Variants in FBLN5 observed in about 807,000 individuals in gnomAD.
FBLN5 encodes fibulin-5.
In FBLN5, 24 loss-of-function variants were observed where a neutral mutation model predicts 61.6. The ratio of observed to expected loss-of-function variants is 0.39; its 90% CI spans 0.28 to 0.55. FBLN5 has a LOEUF of 0.55. FBLN5 is among the 20% of genes least tolerant of loss of function. The pLI is 0.65. For missense variants in FBLN5, 470 were observed against 594.1 expected (o/e 0.79, Z 2.17); for synonymous variants, 213 against 219.8 (o/e 0.97, Z 0.27).
At chr14:91,881,786 A>AT (rs1889486818) in intron 8 of FBLN5, among the ~76,000 whole-genome samples, 1 of 151,362 alleles carries the variant, frequency 6.6e-6, no homozygotes, top group African/African-American at 2.4e-5. Flanking sequence ...TTATATATAT[A>AT]ATTTTTTTTA....
At chr14:91,923,801 C>A (rs1290710841) in intron 4 of FBLN5, among the ~76,000 whole-genome samples, 1 of 152,126 alleles carries the variant, frequency 6.6e-6, no homozygotes, top group African/African-American at 2.4e-5. Flanking sequence ...ATCCTTAGAC[C>A]CTCCTAGCCC....
chr14:91,936,097 C>A (rs1032620666), intron 4 of FBLN5, among the ~76,000 whole-genome samples: 3 of 152,188 alleles, frequency 2.0e-5, no homozygotes, highest in Non-Finnish European at 4.4e-5. Flanking sequence ...CAGCTCAACA[C>A]TCCAGAGCCC....
Position 91,935,259 on chromosome 14 carries a change from T to C in FBLN5, c.379+1688A>G, listed in dbSNP as rs115253266. Among the ~76,000 whole-genome samples the C allele has an allele frequency of 5.8e-3, 882 of 152,112 alleles. 8 individuals are homozygous for C. The highest frequency in any genetic ancestry group is 0.02 in the African/African-American group (837 of 41,484). ...AGGGCACTGGGACCCTGGAAAGAGG[T>C]TTAGGGGAAGGAGGGAGACACTTTG... On this transcript the variant is annotated intron_variant, in intron 4 of 10. Transcript: ENST00000342058.
At chr14:91,941,785 G>A (rs966858545) in intron 2 of FBLN5, among the ~76,000 whole-genome samples, 5 of 151,870 alleles carry the variant, frequency 3.3e-5, no homozygotes, top group African/African-American at 1.2e-4. Flanking sequence ...TAAAATGGGG[G>A]GGTATGTACG....
In FBLN5 at chr14:91,891,609, C is replaced by T. The variant is rs75491901; in HGVS notation, c.503-272G>A. ...AAAGTTGCAGAAGAAATTTCTGCTT[C>T]GATTGGGATGTTGGGCAAAATGAGC... On this transcript the variant is annotated intron_variant, in intron 5 of 10. Coordinates refer to ENST00000342058, the MANE Select transcript of FBLN5 (RefSeq NM_006329.4). 4.2e-4 allele frequency among the ~76,000 whole-genome samples: 64 copies of T among 152,250 alleles called. 1 individual carries two copies. The East Asian group carries it at 9.1e-3, about 22-fold the overall frequency.
intron 10 of FBLN5, 26 bp downstream of exon 10, chr14:91,877,461 C>A (rs753049685): frequency 1.3e-6 from 2 of 1,577,680 alleles, no homozygotes; most frequent in Non-Finnish European, 1.7e-6. Context: ...TTACAGATGG[C>A]GTCCCCACTC....
At chr14:91,905,455 G>C (rs1199424688) in intron 4 of FBLN5, among the ~76,000 whole-genome samples, 1 of 152,146 alleles carries the variant, frequency 6.6e-6, no homozygotes, top group African/African-American at 2.4e-5. Context: ...CCTAGGGGAA[G>C]GGGCCCCTCA....
At chr14:91,930,569 T>C (rs1185412885) in intron 4 of FBLN5, among the ~76,000 whole-genome samples, 1 of 152,212 alleles carries the variant, frequency 6.6e-6, no homozygotes, top group African/African-American at 2.4e-5. Context: ...ATTTTCCTTC[T>C]GGTCTCAGCC....
chr14:91,896,926 C>T (rs1461108639), intron 4 of FBLN5, among the ~76,000 whole-genome samples: 2 of 152,228 alleles, frequency 1.3e-5, no homozygotes, highest in African/African-American at 4.8e-5. Flanking sequence ...CCTTGTGTAG[C>T]ATAGGGCTTT....
chr14:91,947,294 G>A lies in FBLN5; in HGVS notation c.-65C>T. 8 of 1,606,930 alleles carry A rather than the reference G, an allele frequency of 5.0e-6. No homozygotes were observed. Among genetic ancestry groups the A allele is most frequent in the South Asian group, 1.1e-5 (1 of 90,868 alleles). ...AAGCTCGCGGGCGGGACCCCCGGAGGAGCTCGGGCACGTCGGCCTCCTCTG... is the reference window on the plus strand; with the variant it reads ...AAGCTCGCGGGCGGGACCCCCGGAGAAGCTCGGGCACGTCGGCCTCCTCTG... On this transcript the variant is annotated 5_prime_UTR_variant, in exon 1 of 11. Coordinates refer to ENST00000342058, the MANE Select transcript of FBLN5 (RefSeq NM_006329.4). This position sits in a 1 kb window ranked among gnomAD's most constrained non-coding sequence, Gnocchi z 4.3.
At chr14:91,916,634 A>G (rs1387454330) in intron 4 of FBLN5, among the ~76,000 whole-genome samples, 1 of 152,126 alleles carries the variant, frequency 6.6e-6, no homozygotes, top group Non-Finnish European at 1.5e-5. Flanking sequence ...CTAGGCCCCT[A>G]CTTTTGTTAC....
intron 8 of FBLN5, among the ~76,000 whole-genome samples, chr14:91,881,627 A>G (rs991466336): frequency 3.8e-5 from 3 of 79,122 alleles, no homozygotes; most frequent in African/African-American, 9.3e-5. Context: ...TTGATGACTT[A>G]GTACCAAGAA....
intron 4 of FBLN5, among the ~76,000 whole-genome samples, chr14:91,909,607 T>C (rs1033045061): frequency 6.6e-6 from 1 of 152,158 alleles, no homozygotes; most frequent in South Asian, 2.1e-4. Context: ...GGTGGCTTTC[T>C]AAGAAGACAA....
chr14:91,898,386 T>C (rs898509570), intron 4 of FBLN5, among the ~76,000 whole-genome samples: 1 of 152,016 alleles, frequency 6.6e-6, no homozygotes, highest in Non-Finnish European at 1.5e-5. Flanking sequence ...CATTTGGGTG[T>C]GTGTACTTTA....
intron 4 of FBLN5, among the ~76,000 whole-genome samples, chr14:91,920,173 C>T (rs2055709758): frequency 6.6e-6 from 1 of 152,160 alleles, no homozygotes; most frequent in Non-Finnish European, 1.5e-5. Flanking sequence ...CTCCTGTTGT[C>T]TTAATGACTC....
chr14:91,872,346 C>T (rs1414499663), intron 10 of FBLN5, among the ~76,000 whole-genome samples: 1 of 152,082 alleles, frequency 6.6e-6, no homozygotes, highest in Non-Finnish European at 1.5e-5. Context: ...GCGGTCAGTG[C>T]AAGGGACAGA....
intron 10 of FBLN5, among the ~76,000 whole-genome samples, chr14:91,872,052 A>T (rs1211084807): frequency 6.6e-6 from 1 of 152,116 alleles, no homozygotes. Context: ...AGAAATATTG[A>T]TCTAAAAGCA....
chr14:91,932,007 T>C (rs1210497007), intron 4 of FBLN5, among the ~76,000 whole-genome samples: 2 of 152,220 alleles, frequency 1.3e-5, no homozygotes, highest in Non-Finnish European at 2.9e-5. Flanking sequence ...ATGTGTTTGA[T>C]TTGGCCTCTG....
intron 8 of FBLN5, 38 bp from the exon 9 acceptor site, chr14:91,881,456 T>C: frequency 1.9e-6 from 3 of 1,613,602 alleles, no homozygotes; most frequent in South Asian, 2.2e-5. Context: ...AGGCAGGGCA[T>C]TATTGGCCAG....
Sources: allele counts gnomAD v4.1 joint callset (sites outside exome capture counted in the v4.1 genomes callset), GRCh38; gene constraint gnomAD v4.1.1; non-coding constraint Gnocchi (gnomAD v3.1); transcripts MANE v1.5; gene names NCBI Gene and HGNC (gene_info 2026-07-23, HGNC 2026-07-21).